SCAF11: variants seen among roughly 807,000 people sequenced by gnomAD.
SCAF11 encodes SR-related CTD associated factor 11, also known as protein SCAF11.
A neutral mutation model predicts 140.5 loss-of-function variants in SCAF11; 47 were observed. The observed-to-expected ratio is 0.33, with a 90% CI of 0.26 to 0.43. The LOEUF (loss-of-function observed/expected upper bound fraction) is 0.43. Among genes scored for constraint, SCAF11 ranks in the 20% least tolerant of loss-of-function variants. The pLI is 1.00. For missense variants in SCAF11, 1,645 were observed against 1,705.1 expected (o/e 0.96, Z 0.62); for synonymous variants, 557 against 579.4 (o/e 0.96, Z 0.55).
In SCAF11 at chr12:45,926,850, T is replaced by A. The variant is rs759829722; in HGVS notation, c.2851A>T (p.Ser951Cys). 1.9e-6 allele frequency: 3 copies of A among 1,614,168 alleles called. No homozygotes were observed. The South Asian group carries it at 3.3e-5, about 18-fold the overall frequency. The stretch of plus-strand genomic sequence containing the variant: ...CTGTCAATTCTACCAAATGATGAAC[T>A]CTTACTTTTTGTTCTACATCTTGAG... ...SPSRCRTKSK[S>C]SSFGRIDRDS... is the part of the protein sequence containing the mutation. The change falls in exon 11 of 15, where the codon AGT becomes TGT. Residue 951 changes from serine (S) to cysteine (C), a missense_variant. By Grantham distance (112) the Ser-to-Cys change is moderately radical (BLOSUM62 -1). Transcript: ENST00000369367.
At chr12:45,933,080 C>G in intron 9 of SCAF11, 51 bp downstream of exon 9, 6 of 1,228,402 alleles carry the variant, frequency 4.9e-6, no homozygotes, top group Non-Finnish European at 7.1e-6. Context: ...CTAATGCTAT[C>G]TTGTTCATGT....
chr12:45,976,708 G>A, intron 1 of SCAF11, among the ~76,000 whole-genome samples: 1 of 152,062 alleles, frequency 6.6e-6, no homozygotes, highest in East Asian at 1.9e-4. Context: ...TAAAATATGT[G>A]AGATGTAGCA....
At position 45,925,004 on chromosome 12, in the gene SCAF11, C is replaced by T. The variant is rs773339022; in HGVS notation, c.3630G>A (p.Pro1210=). ...GSQLPINMMQ[P]QMNVMQQQMN... ...TTTGTTGCTGCATTACATTCATTTG[C>T]GGTTGCATCATATTTATAGGTAGCT... The change falls in exon 12 of 15, where the codon CCG becomes CCA. Residue 1210 remains proline, a synonymous_variant. Transcript: ENST00000369367. 19 of 1,614,014 alleles carry T rather than the reference C, an allele frequency of 1.2e-5. No homozygotes were observed. Among genetic ancestry groups the T allele is most frequent in the East Asian group, 4.5e-5 (2 of 44,878 alleles).
intron 1 of SCAF11, among the ~76,000 whole-genome samples, chr12:45,972,901 T>TATATATAGATATATATATAGATATATAG (rs1946120955): frequency 2.4e-3 from 64 of 26,506 alleles, no homozygotes; most frequent in Non-Finnish European, 4.7e-3. Flanking sequence ...TAGATATATA[T>TATATATAGATATATATATAGATATATAG]ATATATAGAT....
chr12:45,978,726 C>A (rs542421633), intron 1 of SCAF11, among the ~76,000 whole-genome samples: 5 of 152,232 alleles, frequency 3.3e-5, no homozygotes, highest in Admixed American at 3.3e-4. Flanking sequence ...TACTTCAACA[C>A]TTGGTGTACC....
At chr12:45,982,158 A>G (rs1207567745) in intron 1 of SCAF11, among the ~76,000 whole-genome samples, 1 of 152,170 alleles carries the variant, frequency 6.6e-6, no homozygotes, top group Non-Finnish European at 1.5e-5. Context: ...CGTTTCATCC[A>G]TCTCCCTCAT....
intron 6 of SCAF11, among the ~76,000 whole-genome samples, chr12:45,940,131 G>A (rs1181017757): frequency 6.6e-6 from 1 of 151,924 alleles, no homozygotes; most frequent in African/African-American, 2.4e-5. Context: ...AACCTCATAA[G>A]AAATGTGAAA....
At chr12:45,965,246 A>G (rs1945918367) in intron 1 of SCAF11, among the ~76,000 whole-genome samples, 1 of 152,214 alleles carries the variant, frequency 6.6e-6, no homozygotes, top group African/African-American at 2.4e-5. Context: ...GAAGGAGATT[A>G]TAAGCAGAGA....
intron 8 of SCAF11, among the ~76,000 whole-genome samples, chr12:45,933,923 GAACA>G (rs1202599822): frequency 6.6e-6 from 1 of 151,918 alleles, no homozygotes; most frequent in Non-Finnish European, 1.5e-5. Flanking sequence ...AGCTTATATA[GAACA>G]ACTTATTAAT....
chr12:45,963,381 G>T, intron 2 of SCAF11, among the ~76,000 whole-genome samples: 1 of 151,632 alleles, frequency 6.6e-6, no homozygotes, highest in Non-Finnish European at 1.5e-5. Context: ...CTACAAAAGA[G>T]AATGATAATT....
At chr12:45,951,801 T>G in intron 3 of SCAF11, 74 bp from the exon 4 acceptor site, 3 of 958,772 alleles carry the variant, frequency 3.1e-6, no homozygotes, top group Non-Finnish European at 4.7e-6. Context: ...ATTATAAATT[T>G]TCCATAAAAT....
chr12:45,939,700 G>A (rs771166143), intron 6 of SCAF11, among the ~76,000 whole-genome samples: 3 of 152,160 alleles, frequency 2.0e-5, no homozygotes, highest in South Asian at 2.1e-4. Flanking sequence ...CAACAAGACC[G>A]AAACTCCATC....
At chr12:45,981,733 T>G (rs772602405) in intron 1 of SCAF11, among the ~76,000 whole-genome samples, 41 of 152,124 alleles carry the variant, frequency 2.7e-4, no homozygotes, top group Non-Finnish European at 5.4e-4. Context: ...AGGTTAAGGT[T>G]GCAGGGAACT....
chr12:45,951,807 AAAATT>A, intron 3 of SCAF11, 80 bp from the exon 4 acceptor site: 1 of 935,752 alleles, frequency 1.1e-6, no homozygotes, highest in Non-Finnish European at 1.6e-6. Flanking sequence ...AATTTTCCAT[AAAATT>A]ATTTTTATCT....
chr12:45,951,659 AC>A lies in SCAF11; in HGVS notation c.287del (p.Gly96ValfsTer7). 1 of 1,578,634 alleles carries A rather than the reference AC, an allele frequency of 6.3e-7. No individual in the cohort carries two copies. Among genetic ancestry groups the A allele is most frequent in the South Asian group, 1.2e-5 (1 of 84,058 alleles). On this transcript the variant is annotated frameshift_variant, in exon 4 of 15. Transcript: ENST00000369367. LOFTEE classifies it high-confidence loss of function. The stretch of plus-strand genomic sequence containing the variant: ...GAATAAAAAGACTTACCTTAACATA[AC>A]CTTCCAATGCACTGAATTTAAACAC... ...QAVFKFSALE[G>X]YVKVQVKKQL...
chr12:45,992,028 C>G (rs1305438071), upstream of SCAF11: 2 of 1,289,098 alleles, frequency 1.6e-6, no homozygotes, highest in Non-Finnish European at 2.0e-6. Context: ...CCCCGCCGAC[C>G]GACCGCTTCA....
At chr12:45,923,661 ATTTAT>A (rs748862428) in intron 12 of SCAF11, among the ~76,000 whole-genome samples, 11 of 151,900 alleles carry the variant, frequency 7.2e-5, no homozygotes, top group African/African-American at 1.4e-4. Flanking sequence ...TCAGGATTCT[ATTTAT>A]TTTATTTTAT....
In SCAF11 at chr12:45,926,999, G is replaced by C; in HGVS notation, c.2702C>G (p.Ser901Cys). The part of the protein sequence containing the change: ...NKRSQPRVKD[S>C]SPGEKSRSQS... ...GGACCTGGATTTTTCTCCTGGGGAA[G>C]AATCTTTCACTCTTGGCTGAGATCT... The change falls in exon 11 of 15, where the codon TCT (serine) becomes TGT (cysteine). Residue 901 changes from serine to cysteine, a missense_variant. Ser to Cys is a moderately radical substitution (Grantham distance 112, BLOSUM62 -1). This residue lies in a region of SCAF11 where 1,582 missense variants were observed against 1,609.2 expected (regional missense o/e 0.98). Coordinates refer to ENST00000369367, the MANE Select transcript of SCAF11 (RefSeq NM_004719.3). 6.2e-7 allele frequency: 1 copy of C among 1,613,274 alleles called. No individual in the cohort carries two copies. Among genetic ancestry groups the C allele is most frequent in the Non-Finnish European group, 8.5e-7 (1 of 1,180,008 alleles).
intron 3 of SCAF11, among the ~76,000 whole-genome samples, chr12:45,956,569 A>G (rs1945696524): frequency 6.6e-6 from 1 of 152,146 alleles, no homozygotes; most frequent in Admixed American, 6.5e-5. Context: ...GGTTCTTTAT[A>G]CCAGCATTCA....
Sources: gnomAD v4.1 joint callset for allele counts (sites outside exome capture counted in the v4.1 genomes callset) on GRCh38, gnomAD v4.1.1 for gene constraint, gnomAD v4.1.1 regional missense constraint, MANE v1.5 for transcripts, NCBI Gene and HGNC (gene_info 2026-07-23, HGNC 2026-07-21) for gene names.